The following CCKBR variants were observed in gnomAD, a reference collection of about 807,000 sequenced individuals.
The protein encoded by CCKBR is cholecystokinin B receptor.
CCKBR carries 33 observed loss-of-function variants against 34.6 expected under a neutral mutation model. That is an observed-to-expected ratio of 0.95 (90% CI 0.72 to 1.27). CCKBR has a LOEUF of 1.27. CCKBR is among the 50% of genes most tolerant of loss of function. CCKBR has a pLI of 0.00. For missense variants in CCKBR, 652 were observed against 617.4 expected, an observed-to-expected ratio of 1.06 and a Z score of -0.59; for synonymous variants, 269 against 267.5, an observed-to-expected ratio of 1.01 and a Z score of -0.06.
intron 1 of CCKBR, among the ~76,000 whole-genome samples, chr11:6,266,043 C>T (rs1848204787): frequency 1.3e-5 from 2 of 152,164 alleles, no homozygotes; most frequent in African/African-American, 4.8e-5. Context: ...TAGGGATATA[C>T]TGGAGAGCGA....
chr11:6,261,772 G>A (rs1848137567), intron 1 of CCKBR, among the ~76,000 whole-genome samples: 1 of 152,170 alleles, frequency 6.6e-6, no homozygotes, highest in Non-Finnish European at 1.5e-5. Flanking sequence ...AGATTCGGTA[G>A]TACTACCAGG....
chr11:6,260,176 A>C, intron 1 of CCKBR, 97 bp downstream of exon 1: 7 of 819,594 alleles, frequency 8.5e-6, no homozygotes, highest in Non-Finnish European at 1.3e-5. Context: ...ACCTTCTCAA[A>C]CGTCCACACC....
At chr11:6,262,214 G>A (rs976710790) in intron 1 of CCKBR, among the ~76,000 whole-genome samples, 1 of 152,170 alleles carries the variant, frequency 6.6e-6, no homozygotes, top group South Asian at 2.1e-4. Context: ...TACAGGAGAG[G>A]TCTGAGGTGG....
intron 2 of CCKBR, 64 bp from the exon 3 acceptor site, chr11:6,270,024 C>A: frequency 1.3e-6 from 2 of 1,587,208 alleles, no homozygotes; most frequent in South Asian, 2.3e-5. Flanking sequence ...GTGAGGAAGT[C>A]CCACTGATGC....
intron 1 of CCKBR, among the ~76,000 whole-genome samples, chr11:6,264,211 T>C (rs1359795998): frequency 6.6e-6 from 1 of 152,166 alleles, no homozygotes; most frequent in Non-Finnish European, 1.5e-5. Context: ...TTCTGCTCCC[T>C]CAGTACCCAC....
intron 1 of CCKBR, among the ~76,000 whole-genome samples, chr11:6,263,799 T>G (rs1216690833): frequency 6.6e-6 from 1 of 152,230 alleles, no homozygotes; most frequent in Admixed American, 6.5e-5. Flanking sequence ...TTAGTTAACA[T>G]GTTAACATCT....
At chr11:6,261,901 G>T (rs1848139507) in intron 1 of CCKBR, among the ~76,000 whole-genome samples, 1 of 152,164 alleles carries the variant, frequency 6.6e-6, no homozygotes, top group Non-Finnish European at 1.5e-5. Flanking sequence ...TGAGACTAAG[G>T]TAATGGCAAG....
chr11:6,260,101 C>T, intron 1 of CCKBR, 22 bp downstream of exon 1: 4 of 1,570,624 alleles, frequency 2.5e-6, no homozygotes, highest in Non-Finnish European at 3.4e-6. Flanking sequence ...CCTCAGCCCC[C>T]CCCACAAGCT....
chr11:6,262,245 TC>T (rs1229129184), intron 1 of CCKBR, among the ~76,000 whole-genome samples: 1 of 152,200 alleles, frequency 6.6e-6, no homozygotes, highest in East Asian at 1.9e-4. Context: ...TTGAAGAAGG[TC>T]TTTGCCTACA....
At chr11:6,262,284 A>C (rs935916218) in intron 1 of CCKBR, among the ~76,000 whole-genome samples, 2 of 152,182 alleles carry the variant, frequency 1.3e-5, no homozygotes, top group Non-Finnish European at 2.9e-5. Context: ...GAATAGTTAA[A>C]ATCATAAAAT....
rs560145476 is a variant in CCKBR at position 6,259,896 on chromosome 11, G to T, written c.-33G>T. The T allele has an allele frequency of 7.1e-7, 1 of 1,404,412 alleles. No individual in the cohort carries two copies. Among genetic ancestry groups the T allele is most frequent in the African/African-American group, 1.5e-5 (1 of 65,364 alleles). The allele number at this position is 1,404,412 out of a possible 1,614,324, so 87.0% of individuals were successfully genotyped here. ...AGCCGCGTTGGGAGCCCGCCGGGTC[G>T]AGCTGAGTAAGGCGGCGGGCTCGGC... On this transcript the variant is annotated 5_prime_UTR_variant, in exon 1 of 5. Coordinates refer to ENST00000334619, the MANE Select transcript of CCKBR (RefSeq NM_176875.4).
chr11:6,268,258 C>G (rs536026241), intron 1 of CCKBR, among the ~76,000 whole-genome samples: 1 of 152,212 alleles, frequency 6.6e-6, no homozygotes, highest in East Asian at 1.9e-4. Context: ...GAGAATCAGT[C>G]AAAGTATGGG....
chr11:6,263,513 A>C (rs1848166662), intron 1 of CCKBR, among the ~76,000 whole-genome samples: 1 of 145,750 alleles, frequency 6.9e-6, no homozygotes, highest in South Asian at 2.1e-4. Flanking sequence ...TCTGTTGCCC[A>C]GGCTGGGGTG....
chr11:6,270,954 G>C, intron 4 of CCKBR, 57 bp from the exon 5 acceptor site: 5 of 1,613,062 alleles, frequency 3.1e-6, no homozygotes, highest in Non-Finnish European at 4.2e-6. Flanking sequence ...GGTGGGGACT[G>C]GGCTGGAGAC....
At position 6,270,072 on chromosome 11, in the gene CCKBR, C is replaced by T. The variant is rs199529328; in HGVS notation, c.404-16C>T. The stretch of plus-strand genomic sequence containing the variant: ...AGTTTCCTAGGTGACTCCTTCCTTT[C>T]TCTTCCCTTGTTTAGGGGTGTCTGT... On this transcript the variant is annotated splice_polypyrimidine_tract_variant and intron_variant, in intron 2 of 4. Coordinates refer to ENST00000334619, the MANE Select transcript of CCKBR (RefSeq NM_176875.4). 2 of 1,595,020 alleles carry T rather than the reference C, an allele frequency of 1.3e-6. No individual in the cohort carries two copies. Among genetic ancestry groups the T allele is most frequent in the East Asian group, 2.2e-5 (1 of 44,568 alleles).
chr11:6,270,598 G>T (rs201879757), intron 3 of CCKBR, 48 bp from the exon 4 acceptor site: 2 of 1,536,266 alleles, frequency 1.3e-6, no homozygotes, highest in African/African-American at 2.7e-5. Flanking sequence ...CTCCATCTGT[G>T]ATTACAGCTG....
chr11:6,270,139 G>A lies in CCKBR; in HGVS notation c.455G>A (p.Arg152Gln). 6.2e-7 allele frequency: 1 copy of A among 1,613,238 alleles called. No homozygotes were observed. The highest frequency in any genetic ancestry group is 8.5e-7 in the Non-Finnish European group (1 of 1,179,482). ...TLSLVAIALE[R>Q]YSAICRPLQA... ...AGCCTCGTGGCCATCGCACTGGAGC[G>A]GTACAGCGCCATCTGCCGACCACTG... Residue 152 changes from arginine (R) to glutamine (Q), a missense_variant, in exon 3 of 5, where the codon CGG becomes CAG. Coordinates refer to ENST00000334619, the MANE Select transcript of CCKBR (RefSeq NM_176875.4).
In CCKBR at chr11:6,262,719, AGAG is replaced by A. The variant is rs1564885210; in HGVS notation, c.151+2641_151+2643del. Among the ~76,000 whole-genome samples, 784 of 142,074 alleles carry A rather than the reference AGAG, an allele frequency of 5.5e-3. 7 individuals carry two copies. The highest frequency in any genetic ancestry group is 0.021 in the Middle Eastern group (6 of 280). The allele number at this position is 142,074 out of a possible 152,430, so 93.2% of individuals were successfully genotyped here. ...GAGAGAGAGAGAGAGAGAGAGAGAG[AGAG>A]AGAAAGAAAAGCAGGATATTGCCAA... On this transcript the variant is annotated intron_variant, in intron 1 of 4. Coordinates refer to ENST00000334619, the MANE Select transcript of CCKBR (RefSeq NM_176875.4).
At position 6,271,022 on chromosome 11, in the gene CCKBR, C is replaced by G. The variant is rs1305910136; in HGVS notation, c.823C>G (p.Gln275Glu). The G allele has an allele frequency of 6.2e-7, 1 of 1,614,182 alleles. No homozygotes were observed. Among genetic ancestry groups the G allele is most frequent in the African/African-American group, 1.3e-5 (1 of 75,050 alleles). The change falls in exon 5 of 5, where the codon CAG becomes GAG. Residue 275 changes from glutamine (Q) to glutamate (E), a missense_variant. Physicochemically the swap from Gln to Glu is conservative, Grantham distance 29. Coordinates refer to ENST00000334619, the MANE Select transcript of CCKBR (RefSeq NM_176875.4). The stretch of plus-strand genomic sequence containing the variant: ...CCCTTTGTGCTCAGGGGCTGTTCAC[C>G]AGAACGGGCGTTGCCGGCCTGAGAC... ...NQGGLPGAVH[Q>E]NGRCRPETGA...
Sources: gnomAD v4.1 joint callset for allele counts (sites outside exome capture counted in the v4.1 genomes callset) on GRCh38, gnomAD v4.1.1 for gene constraint, MANE v1.5 for transcripts, NCBI Gene and HGNC (gene_info 2026-07-23, HGNC 2026-07-21) for gene names.